Variants in EDIL3 observed in about 807,000 individuals in gnomAD.
EDIL3 encodes EGF-like repeat and discoidin I-like domain-containing protein 3.
Under a neutral mutation model 67.4 loss-of-function variants are expected in EDIL3, and 37 were observed. The observed-to-expected ratio is 0.55, with a 90% CI of 0.42 to 0.72. The LOEUF (loss-of-function observed/expected upper bound fraction) is 0.72, where lower values mean the gene tolerates loss of function less well. Ranked by LOEUF, EDIL3 falls within the 30% of genes least tolerant of loss-of-function variation. EDIL3 has a pLI of 0.00. For synonymous variants in EDIL3, 195 were observed against 196.3 expected (o/e 0.99, Z 0.05); for missense variants, 527 against 586.3 (o/e 0.90, Z 1.04).
chr5:84,301,064 G>A (rs1746149269), intron 1 of EDIL3, among the ~76,000 whole-genome samples: 3 of 152,156 alleles, frequency 2.0e-5, no homozygotes, highest in Admixed American at 2.0e-4. Context: ...GAGGTCGAGA[G>A]TTCAAGACCA....
chr5:84,085,331 T>C (rs1331626394), intron 6 of EDIL3, among the ~76,000 whole-genome samples: 1 of 152,244 alleles, frequency 6.6e-6, no homozygotes, highest in Non-Finnish European at 1.5e-5. Context: ...ACCTTTGATC[T>C]TTGAGGCTGA....
At chr5:84,075,965 AT>A (rs1746849283) in intron 6 of EDIL3, among the ~76,000 whole-genome samples, 6 of 148,396 alleles carry the variant, frequency 4.0e-5, no homozygotes, top group Admixed American at 1.3e-4. Context: ...ATATATATAT[AT>A]ATAAATATTT....
chr5:84,338,192 T>C (rs928471736), intron 1 of EDIL3, among the ~76,000 whole-genome samples: 11 of 152,076 alleles, frequency 7.2e-5, no homozygotes, highest in Non-Finnish European at 1.3e-4. Flanking sequence ...TACTAATCCT[T>C]GGGAATATAA....
At chr5:84,074,406 C>A (rs1162798697) in intron 6 of EDIL3, among the ~76,000 whole-genome samples, 2 of 152,288 alleles carry the variant, frequency 1.3e-5, no homozygotes, top group African/African-American at 4.8e-5. Flanking sequence ...TCAGAGTGAA[C>A]ATTCAACCCA....
chr5:84,129,912 G>C (rs1419714331), intron 5 of EDIL3, among the ~76,000 whole-genome samples: 1 of 152,028 alleles, frequency 6.6e-6, no homozygotes, highest in East Asian at 1.9e-4. Context: ...ATATACTAAA[G>C]GTGCTATCAC....
intron 1 of EDIL3, among the ~76,000 whole-genome samples, chr5:84,309,909 A>G (rs1027201091): frequency 5.3e-5 from 8 of 152,160 alleles, no homozygotes; most frequent in Admixed American, 1.3e-4. Context: ...TCCCTGAAGA[A>G]TTGCCACACT....
chr5:84,365,379 T>A (rs548077555), intron 1 of EDIL3, among the ~76,000 whole-genome samples: 16 of 152,248 alleles, frequency 1.1e-4, no homozygotes, highest in African/African-American at 3.8e-4. Context: ...GTTCCACCTT[T>A]AAAAAATCTT....
intron 3 of EDIL3, among the ~76,000 whole-genome samples, chr5:84,210,318 TCTAA>T (rs1482955993): frequency 2.6e-4 from 39 of 152,136 alleles, no homozygotes; most frequent in African/African-American, 7.5e-4. Context: ...GATGTGTTAC[TCTAA>T]CTAAACTGAC....
At chr5:84,037,801 C>G (rs1398200114) in intron 9 of EDIL3, among the ~76,000 whole-genome samples, 1 of 151,906 alleles carries the variant, frequency 6.6e-6, no homozygotes, top group East Asian at 1.9e-4. Context: ...AAACAATCAC[C>G]AAATAGTGGA....
At chr5:84,280,286 T>C (rs929041026) in intron 1 of EDIL3, among the ~76,000 whole-genome samples, 2 of 152,126 alleles carry the variant, frequency 1.3e-5, no homozygotes, top group Admixed American at 6.6e-5. Context: ...TTCAGTTTCA[T>C]CTCCTTGAAA....
At chr5:84,124,462 T>C (rs1269132514) in intron 5 of EDIL3, among the ~76,000 whole-genome samples, 2 of 148,238 alleles carry the variant, frequency 1.3e-5, no homozygotes, top group African/African-American at 4.9e-5. Context: ...GGACCTTTTG[T>C]TCAAAACAGG....
In EDIL3 at chr5:84,132,636, A is replaced by G. The variant is rs995485691; in HGVS notation, c.469+4605T>C. 4.4e-5 allele frequency among the ~76,000 whole-genome samples: 4 copies of G among 90,444 alleles called. No individual in the cohort carries two copies. In the Admixed American group the frequency reaches 5.0e-4, roughly 11 times the overall value. 59.3% of individuals were successfully genotyped at this position (90,444 alleles called of 152,430 possible). A position where few individuals can be genotyped will look rare whatever the true frequency, so the allele number is the denominator to read the frequency against. The stretch of plus-strand genomic sequence containing the variant: ...AATATACACACAGTATATATTGTCT[A>G]TGTTTATGTGCTTGGAAATACTAGC... On this transcript the variant is annotated intron_variant, in intron 5 of 10. Coordinates refer to ENST00000296591, the MANE Select transcript of EDIL3 (RefSeq NM_005711.5).
chr5:84,111,598 T>G (rs985536876), intron 5 of EDIL3, among the ~76,000 whole-genome samples: 2 of 152,130 alleles, frequency 1.3e-5, no homozygotes, highest in Non-Finnish European at 2.9e-5. Context: ...AGATTCACAT[T>G]CTAGTGGAGA....
intron 10 of EDIL3, among the ~76,000 whole-genome samples, chr5:83,948,446 A>G (rs184788310): frequency 8.4e-4 from 127 of 151,884 alleles, no homozygotes; most frequent in Middle Eastern, 3.4e-3. Flanking sequence ...GTATGCATGA[A>G]TCACGTCAAA....
At chr5:84,325,458 G>T (rs1001623512) in intron 1 of EDIL3, among the ~76,000 whole-genome samples, 1 of 151,538 alleles carries the variant, frequency 6.6e-6, no homozygotes, top group South Asian at 2.1e-4. Flanking sequence ...CCATTAGGAT[G>T]ATTATAATAA....
chr5:84,007,248 G>A (rs989298728), intron 9 of EDIL3, among the ~76,000 whole-genome samples: 2 of 152,126 alleles, frequency 1.3e-5, no homozygotes, highest in East Asian at 3.9e-4. Context: ...ACAAGTACAT[G>A]TAACCAAAGC....
chr5:84,051,764 G>T (rs1390920341), intron 9 of EDIL3, among the ~76,000 whole-genome samples: 2 of 152,094 alleles, frequency 1.3e-5, no homozygotes, highest in African/African-American at 2.4e-5. Context: ...AGAGAAAAAA[G>T]AATAAAAAGA....
intron 4 of EDIL3, among the ~76,000 whole-genome samples, chr5:84,178,203 G>T (rs1297977624): frequency 1.3e-5 from 2 of 152,122 alleles, no homozygotes; most frequent in Non-Finnish European, 2.9e-5. Context: ...TCAAATTTCA[G>T]TGTATATGAG....
intron 1 of EDIL3, among the ~76,000 whole-genome samples, chr5:84,352,695 C>T (rs1364395076): frequency 6.6e-6 from 1 of 152,004 alleles, no homozygotes; most frequent in Non-Finnish European, 1.5e-5. Context: ...GAGCAATGTA[C>T]ATTATTCAAG....
Sources: allele counts gnomAD v4.1 joint callset (sites outside exome capture counted in the v4.1 genomes callset), GRCh38; gene constraint gnomAD v4.1.1; transcripts MANE v1.5; gene names NCBI Gene and HGNC (gene_info 2026-07-23, HGNC 2026-07-21).